The following OPCML variants were observed in gnomAD, a reference collection of about 807,000 sequenced individuals.
OPCML encodes opioid-binding protein/cell adhesion molecule.
In OPCML, 13 loss-of-function variants were observed where a neutral mutation model predicts 37.8. The observed-to-expected ratio is 0.34, with a 90% CI of 0.22 to 0.55. The LOEUF (loss-of-function observed/expected upper bound fraction) is 0.55. Among genes scored for constraint, OPCML ranks in the 20% least tolerant of loss-of-function variants. The probability of loss-of-function intolerance (pLI) is 0.91; values close to 1 mark genes in which losing one functional copy is unlikely to be tolerated. For missense variants in OPCML, 341 were observed against 435.6 expected, an observed-to-expected ratio of 0.78 and a Z score of 1.93; for synonymous variants, 176 against 168.8, an observed-to-expected ratio of 1.04 and a Z score of -0.33.
At chr11:132,979,606 C>T (rs908278713) in intron 1 of OPCML, among the ~76,000 whole-genome samples, 5 of 152,332 alleles carry the variant, frequency 3.3e-5, no homozygotes, top group South Asian at 4.1e-4. Context: ...GAGCATGTTG[C>T]CATCTAGCAT....
chr11:133,117,662 T>C lies in OPCML; in HGVS notation c.62-174652A>G, dbSNP rs918554783. On this transcript the variant is annotated intron_variant, in intron 1 of 7. Coordinates refer to ENST00000524381, the MANE Select transcript of OPCML (RefSeq NM_001012393.5). ...GGGAGCACATTCGAGATAATTTCACTTGCCCTTGGGCTCAGAGTGACCAGT... is the reference window on the plus strand; with the variant it reads ...GGGAGCACATTCGAGATAATTTCACCTGCCCTTGGGCTCAGAGTGACCAGT... 8.4e-5 allele frequency: 34 copies of C among 404,556 alleles called. No homozygotes were observed. The South Asian group carries it at 1.0e-3, about 12-fold the overall frequency. The allele number at this position is 404,556 out of a possible 1,614,324, so 25.1% of individuals were successfully genotyped here. A position where few individuals can be genotyped will look rare whatever the true frequency, so the allele number is the denominator to read the frequency against.
intron 2 of OPCML, among the ~76,000 whole-genome samples, chr11:132,843,308 A>G (rs1476862250): frequency 1.3e-5 from 2 of 152,038 alleles, no homozygotes; most frequent in Non-Finnish European, 2.9e-5. Context: ...CATGTTGGTC[A>G]GGCTGGTCTG....
intron 1 of OPCML, among the ~76,000 whole-genome samples, chr11:133,344,572 C>T (rs1943953621): frequency 6.6e-6 from 1 of 152,162 alleles, no homozygotes; most frequent in Non-Finnish European, 1.5e-5. Context: ...TCTTCCTTCA[C>T]ATGTGGCATG....
chr11:132,621,380 G>T (rs143502835), intron 3 of OPCML, among the ~76,000 whole-genome samples: 4 of 152,068 alleles, frequency 2.6e-5, no homozygotes, highest in African/African-American at 2.4e-5. Context: ...ATTCAAAATG[G>T]CTAAAAGATA....
chr11:132,723,511 C>T (rs1428331032), intron 2 of OPCML, among the ~76,000 whole-genome samples: 2 of 152,056 alleles, frequency 1.3e-5, no homozygotes, highest in African/African-American at 4.8e-5. Flanking sequence ...AAAATAAACG[C>T]TTAGTGAAGA....
At chr11:132,847,251 C>G (rs76446124) in intron 2 of OPCML, among the ~76,000 whole-genome samples, 7,091 of 152,186 alleles carry the variant, frequency 0.047, 220 homozygotes, top group Middle Eastern at 0.078. Flanking sequence ...ATCTCTAACT[C>G]TATATTATTT....
At chr11:133,433,716 C>T (rs1388559857) in intron 1 of OPCML, among the ~76,000 whole-genome samples, 1 of 152,156 alleles carries the variant, frequency 6.6e-6, no homozygotes, top group Non-Finnish European at 1.5e-5. Flanking sequence ...TCAACCCAGC[C>T]AGGTAGTCCC....
intron 2 of OPCML, among the ~76,000 whole-genome samples, chr11:132,912,722 CTT>C (rs1944466204): frequency 6.6e-6 from 1 of 152,116 alleles, no homozygotes; most frequent in East Asian, 1.9e-4. Flanking sequence ...ACTGGGGTTG[CTT>C]TTTGTTTTTG....
chr11:133,343,574 T>C (rs1943926436), intron 1 of OPCML, among the ~76,000 whole-genome samples: 1 of 152,088 alleles, frequency 6.6e-6, no homozygotes, highest in East Asian at 1.9e-4. Context: ...TTCTCTAGGG[T>C]TAGAGAAGGT....
At chr11:133,490,596 C>T (rs150055129) in intron 1 of OPCML, among the ~76,000 whole-genome samples, 15 of 152,204 alleles carry the variant, frequency 9.9e-5, no homozygotes, top group Non-Finnish European at 1.8e-4. Context: ...CATGGAAGCC[C>T]GGGTCAGCCC....
intron 1 of OPCML, among the ~76,000 whole-genome samples, chr11:133,264,307 G>A (rs1941586256): frequency 6.6e-6 from 1 of 152,190 alleles, no homozygotes; most frequent in Non-Finnish European, 1.5e-5. Flanking sequence ...TTACATGCAG[G>A]ACAGGACGCT....
intron 1 of OPCML, among the ~76,000 whole-genome samples, chr11:132,971,713 G>C (rs952558382): frequency 6.6e-6 from 1 of 152,202 alleles, no homozygotes; most frequent in African/African-American, 2.4e-5. Flanking sequence ...GCAGTCCTGG[G>C]GCTGAGGGCA....
At chr11:133,000,128 C>G (rs1344348490) in intron 1 of OPCML, among the ~76,000 whole-genome samples, 9 of 152,206 alleles carry the variant, frequency 5.9e-5, no homozygotes, top group Admixed American at 5.9e-4. Context: ...GTGATCTCGG[C>G]TCACTGCAAC....
intron 2 of OPCML, among the ~76,000 whole-genome samples, chr11:132,907,374 T>C (rs1163018451): frequency 6.6e-6 from 1 of 152,178 alleles, no homozygotes; most frequent in Non-Finnish European, 1.5e-5. Context: ...GGCTCATGCC[T>C]GTAATCCCAG....
intron 1 of OPCML, among the ~76,000 whole-genome samples, chr11:133,494,308 T>G (rs1309084426): frequency 1.3e-5 from 2 of 151,738 alleles, no homozygotes; most frequent in Non-Finnish European, 2.9e-5. Flanking sequence ...TGGAAGTCAG[T>G]GTGGCGATTC....
At chr11:133,348,954 C>T (rs763959425) in intron 1 of OPCML, among the ~76,000 whole-genome samples, 8 of 152,138 alleles carry the variant, frequency 5.3e-5, no homozygotes, top group African/African-American at 1.4e-4. Context: ...AAGGATTCAG[C>T]GTGCAGGCCT....
chr11:132,455,464 T>A (rs559915279), intron 4 of OPCML, among the ~76,000 whole-genome samples: 43 of 152,316 alleles, frequency 2.8e-4, no homozygotes, highest in African/African-American at 1.0e-3. Flanking sequence ...GACTTGAGGT[T>A]CCCGTGGGCA....
At chr11:133,248,483 T>G (rs1592139786) in intron 1 of OPCML, among the ~76,000 whole-genome samples, 2 of 152,342 alleles carry the variant, frequency 1.3e-5, no homozygotes, top group East Asian at 3.9e-4. Flanking sequence ...TTGTTAAGAA[T>G]ATAAGGAATA....
intron 4 of OPCML, among the ~76,000 whole-genome samples, chr11:132,443,845 T>C (rs2096045037): frequency 1.3e-5 from 2 of 152,176 alleles, no homozygotes; most frequent in African/African-American, 2.4e-5. Flanking sequence ...ATCCTATCAC[T>C]CATCTTTCTT....
Sources: gnomAD v4.1 joint callset for allele counts (sites outside exome capture counted in the v4.1 genomes callset) on GRCh38, gnomAD v4.1.1 for gene constraint, MANE v1.5 for transcripts, NCBI Gene and HGNC (gene_info 2026-07-23, HGNC 2026-07-21) for gene names.